NT5DC3: variants seen among roughly 807,000 people sequenced by gnomAD.
The protein encoded by NT5DC3 is 5'-nucleotidase domain-containing protein 3.
In NT5DC3, 42 loss-of-function variants were observed where a neutral mutation model predicts 67.8. The observed-to-expected ratio is 0.62, with a 90% CI of 0.48 to 0.80. The LOEUF is 0.80. Among genes scored for constraint, NT5DC3 ranks in the 30% least tolerant of loss-of-function variants. The pLI, the probability that NT5DC3 is intolerant of heterozygous loss-of-function variation, is 0.00. For missense variants in NT5DC3, 570 were observed against 696.4 expected, an observed-to-expected ratio of 0.82 and a Z score of 2.04; for synonymous variants, 237 against 255.6, an observed-to-expected ratio of 0.93 and a Z score of 0.69.
chr12:103,827,403 G>A (rs992630518), intron 1 of NT5DC3, among the ~76,000 whole-genome samples: 7 of 152,032 alleles, frequency 4.6e-5, no homozygotes, highest in Admixed American at 6.6e-5. Flanking sequence ...TCTATAAACC[G>A]AAACTCTAGG....
At chr12:103,831,090 G>A (rs2139470161) in intron 1 of NT5DC3, among the ~76,000 whole-genome samples, 1 of 152,270 alleles carries the variant, frequency 6.6e-6, no homozygotes, top group East Asian at 1.9e-4. Flanking sequence ...GTTTGGCTCT[G>A]TGTCCCCACC....
chr12:103,790,106 C>T (rs1045258830), intron 9 of NT5DC3, among the ~76,000 whole-genome samples: 5 of 150,978 alleles, frequency 3.3e-5, no homozygotes, highest in Non-Finnish European at 5.9e-5. Flanking sequence ...TTCCCAAATA[C>T]ATTTTTGGTT....
At chr12:103,792,580 C>T (rs1886114333) in intron 9 of NT5DC3, among the ~76,000 whole-genome samples, 1 of 152,178 alleles carries the variant, frequency 6.6e-6, no homozygotes, top group South Asian at 2.1e-4. Context: ...GATATTTTAG[C>T]GTTCCCTGAT....
chr12:103,808,084 C>T (rs189923435), intron 2 of NT5DC3, among the ~76,000 whole-genome samples: 25 of 152,290 alleles, frequency 1.6e-4, no homozygotes, highest in Non-Finnish European at 3.1e-4. Context: ...ATCTACTGCA[C>T]CAGGTATCCA....
intron 3 of NT5DC3, 90 bp from the exon 4 acceptor site, chr12:103,806,467 A>G: frequency 1.1e-6 from 1 of 897,184 alleles, no homozygotes; most frequent in South Asian, 1.4e-5. Flanking sequence ...ATATCCTATC[A>G]ACATTAGGCT....
rs1437754306 is a variant in NT5DC3 at position 103,777,448 on chromosome 12, T to C, written c.*381A>G. 1 of 198,746 alleles carries C rather than the reference T, an allele frequency of 5.0e-6. No individual in the cohort carries two copies. The highest frequency in any genetic ancestry group is 1.0e-5 in the Non-Finnish European group (1 of 96,944). 12.3% of individuals were successfully genotyped at this position (198,746 alleles called of 1,614,324 possible). A position where few individuals can be genotyped will look rare whatever the true frequency, so the allele number is the denominator to read the frequency against. On this transcript the variant is annotated 3_prime_UTR_variant, in exon 14 of 14. Coordinates refer to ENST00000392876, the MANE Select transcript of NT5DC3 (RefSeq NM_001031701.3). Reference sequence around the variant, plus strand: ...CTGTGCCCCTGCAGTTCCCAATGCATAGCCCGTAAATGTTCAGGAAATGTT... The same window carrying C: ...CTGTGCCCCTGCAGTTCCCAATGCACAGCCCGTAAATGTTCAGGAAATGTT...
chr12:103,759,372 C>T, the NT5DC3 span: 1 of 1,487,010 alleles, frequency 6.7e-7, no homozygotes, highest in South Asian at 1.3e-5. Context: ...ATTATGCAAA[C>T]ATAAACTCTA....
intron 1 of NT5DC3, among the ~76,000 whole-genome samples, chr12:103,820,448 A>C (rs975433008): frequency 6.6e-6 from 1 of 152,226 alleles, no homozygotes; most frequent in African/African-American, 2.4e-5. Context: ...GCAGAACCTC[A>C]TTCTGGTACA....
intron 1 of NT5DC3, among the ~76,000 whole-genome samples, chr12:103,831,966 AG>A (rs1382081501): frequency 6.6e-6 from 1 of 151,722 alleles, no homozygotes; most frequent in East Asian, 1.9e-4. Flanking sequence ...TAGTAGAGAC[AG>A]GGTTTCACCA....
chr12:103,831,696 C>T (rs1036959516), intron 1 of NT5DC3, among the ~76,000 whole-genome samples: 9 of 151,906 alleles, frequency 5.9e-5, no homozygotes, highest in African/African-American at 2.2e-4. Context: ...GCAGGCACGA[C>T]CAATAAAGGC....
chr12:103,836,166 C>T (rs1245698724), intron 1 of NT5DC3, among the ~76,000 whole-genome samples: 2 of 152,080 alleles, frequency 1.3e-5, no homozygotes, highest in African/African-American at 4.8e-5. Context: ...AGAGCCAAAC[C>T]ACATCATTCC....
chr12:103,784,082 T>C (rs1467678116), intron 12 of NT5DC3, among the ~76,000 whole-genome samples: 1 of 152,224 alleles, frequency 6.6e-6, no homozygotes, highest in Non-Finnish European at 1.5e-5. Flanking sequence ...AAATTGTACC[T>C]ACCTGCAAGG....
downstream of NT5DC3, among the ~76,000 whole-genome samples, chr12:103,771,674 G>T (rs1885185725): frequency 6.6e-6 from 1 of 152,214 alleles, no homozygotes; most frequent in Non-Finnish European, 1.5e-5. Context: ...GGGAAAGGCT[G>T]GGTTGAGCTG....
At chr12:103,763,282 G>T in the NT5DC3 span, 1 of 580,718 alleles carries the variant, frequency 1.7e-6, no homozygotes. Flanking sequence ...ATTTGGTGGT[G>T]ATCACAAATG....
chr12:103,782,982 T>A (rs1885621939), intron 12 of NT5DC3, among the ~76,000 whole-genome samples: 1 of 152,120 alleles, frequency 6.6e-6, no homozygotes, highest in Non-Finnish European at 1.5e-5. Context: ...CAAGACTCCA[T>A]CTCAAAAACA....
At chr12:103,828,526 T>C (rs1887786580) in intron 1 of NT5DC3, among the ~76,000 whole-genome samples, 2 of 152,150 alleles carry the variant, frequency 1.3e-5, no homozygotes, top group African/African-American at 2.4e-5. Flanking sequence ...GAATATATCC[T>C]GCTATTTCTA....
At chr12:103,749,078 C>G in the NT5DC3 span, 3 of 1,614,028 alleles carry the variant, frequency 1.9e-6, no homozygotes, top group African/African-American at 4.0e-5. Flanking sequence ...ACGGGCACAG[C>G]TGCACAGAGA....
Position 103,841,105 on chromosome 12 carries a change from C to G in NT5DC3, c.52G>C (p.Ala18Pro). The G allele has an allele frequency of 8.8e-7, 1 of 1,136,000 alleles. No homozygotes were observed. The highest frequency in any genetic ancestry group is 3.3e-5 in the East Asian group (1 of 30,466). The allele number at this position is 1,136,000 out of a possible 1,614,324, so 70.4% of individuals were successfully genotyped here. A position where few individuals can be genotyped will look rare whatever the true frequency, so the allele number is the denominator to read the frequency against. Residue 18 changes from alanine (A) to proline (P), a missense_variant, in exon 1 of 14, where the codon GCG becomes CCG. This residue lies in a region of NT5DC3 where 104 missense variants were observed against 88.4 expected (regional missense o/e 1.18). Coordinates refer to ENST00000392876, the MANE Select transcript of NT5DC3 (RefSeq NM_001031701.3). Reference protein sequence around the residue: ...VVARGAGARAATAAALRGGCG... With the variant: ...VVARGAGARAPTAAALRGGCG... ...CCACCCCGCAAAGCCGCCGCTGTCG[C>G]TGCCCTCGCCCCGGCCCCGCGTGCC...
In NT5DC3 at chr12:103,785,627, T is replaced by C. The variant is rs577650955; in HGVS notation, c.1189-152A>G. 50 of 808,298 alleles carry C rather than the reference T, an allele frequency of 6.2e-5. No individual in the cohort carries two copies. The African/African-American group carries it at 7.7e-4, about 12-fold the overall frequency. The allele number at this position is 808,298 out of a possible 1,614,324, so 50.1% of individuals were successfully genotyped here. On this transcript the variant is annotated intron_variant, in intron 11 of 13. Transcript: ENST00000392876. ...GCTGAATTCAATGAATTACATTTAATTAAAACCTATTTGGCCCCAGCCTTT... is the reference window on the plus strand; with the variant it reads ...GCTGAATTCAATGAATTACATTTAACTAAAACCTATTTGGCCCCAGCCTTT...
Sources: allele counts gnomAD v4.1 joint callset (sites outside exome capture counted in the v4.1 genomes callset), GRCh38; gene constraint gnomAD v4.1.1; regional missense constraint gnomAD v4.1.1; transcripts MANE v1.5; gene names NCBI Gene and HGNC (gene_info 2026-07-23, HGNC 2026-07-21).